LMO7: variants seen among roughly 807,000 people sequenced by gnomAD.
LMO7 encodes the protein LIM domain 7, also known as LIM domain only protein 7.
A neutral mutation model predicts 206.5 loss-of-function variants in LMO7; 120 were observed. That is an observed-to-expected ratio of 0.58 (90% confidence interval 0.50 to 0.68). The LOEUF (loss-of-function observed/expected upper bound fraction) is 0.68. LMO7 is among the 30% of genes least tolerant of loss of function. LMO7 has a pLI of 0.00. For synonymous variants in LMO7, 706 were observed against 681.5 expected (o/e 1.04, Z -0.56); for missense variants, 1,959 against 1,957.9 (o/e 1.00, Z -0.01).
intron 11 of LMO7, among the ~76,000 whole-genome samples, chr13:75,814,822 G>A (rs182618351): frequency 6.6e-6 from 1 of 152,274 alleles, no homozygotes; most frequent in African/African-American, 2.4e-5. Context: ...GGAAGTGAGA[G>A]AGAAGCTATG....
chr13:75,700,328 G>T (rs923247058), intron 1 of LMO7, among the ~76,000 whole-genome samples: 1 of 152,222 alleles, frequency 6.6e-6, no homozygotes, highest in African/African-American at 2.4e-5. Context: ...AAATGTCCAT[G>T]AAATCTTCAC....
At chr13:75,819,344 G>T in intron 12 of LMO7, 49 bp from the exon 13 acceptor site, 2 of 1,537,780 alleles carry the variant, frequency 1.3e-6, no homozygotes, top group East Asian at 2.3e-5. Flanking sequence ...TGCTAGAAAG[G>T]GTGTATAGAA....
Position 75,840,098 on chromosome 13 carries a change from G to A in LMO7, c.3465G>A (p.Ser1155=), listed in dbSNP as rs146792864. Residue 1155 remains serine, a synonymous_variant, in exon 21 of 31, where the codon TCG becomes TCA. Transcript: ENST00000377534. ...GCTGCAACACAGGAAGCTCTGATTC[G>A]GTGGTTCCTGATGTAAGTAGCATTC... ...SQFFEQGSSD[S]VVPDLPVPTI... is the part of the protein sequence containing the mutation. The A allele has an allele frequency of 6.8e-5, 110 of 1,613,572 alleles. No homozygotes were observed. The highest frequency in any genetic ancestry group is 2.7e-4 in the Admixed American group (16 of 60,012).
At chr13:75,711,684 C>G (rs1035007168) in intron 1 of LMO7, among the ~76,000 whole-genome samples, 1 of 152,224 alleles carries the variant, frequency 6.6e-6, no homozygotes, top group African/African-American at 2.4e-5. Flanking sequence ...GCAGAAATCA[C>G]CCGTCTTCTG....
chr13:75,660,856 G>A (rs764150428), intron 1 of LMO7, among the ~76,000 whole-genome samples: 1 of 152,192 alleles, frequency 6.6e-6, no homozygotes, highest in Non-Finnish European at 1.5e-5. Context: ...AGTAGGAGAA[G>A]AGGTGCCTCA....
At chr13:75,647,757 C>T (rs1476655770) in intron 1 of LMO7, among the ~76,000 whole-genome samples, 1 of 151,986 alleles carries the variant, frequency 6.6e-6, no homozygotes, top group Non-Finnish European at 1.5e-5. Flanking sequence ...TCAACTTAAA[C>T]ATCAGAGGCC....
At chr13:75,837,156 A>C (rs1224306367) in intron 19 of LMO7, among the ~76,000 whole-genome samples, 1 of 152,180 alleles carries the variant, frequency 6.6e-6, no homozygotes, top group Non-Finnish European at 1.5e-5. Context: ...TTAAATCTAC[A>C]TTCGATAGTT....
intron 4 of LMO7, 21 bp downstream of exon 4, chr13:75,761,059 AG>A: frequency 1.5e-6 from 2 of 1,338,784 alleles, no homozygotes; most frequent in Non-Finnish European, 2.0e-6. Context: ...ACAGTTTGTT[AG>A]ATATATATAT....
chr13:75,782,649 A>T (rs1459271884), intron 4 of LMO7, among the ~76,000 whole-genome samples: 1 of 152,212 alleles, frequency 6.6e-6, no homozygotes, highest in East Asian at 1.9e-4. Context: ...GGGGCTAAAA[A>T]CAAGGCATCA....
chr13:75,776,406 G>C (rs999802776), intron 4 of LMO7, among the ~76,000 whole-genome samples: 17 of 150,956 alleles, frequency 1.1e-4, no homozygotes, highest in African/African-American at 4.1e-4. Flanking sequence ...TCAATAATTT[G>C]ACAATCTCGT....
At chr13:75,723,079 G>A (rs1440982088) in intron 2 of LMO7, among the ~76,000 whole-genome samples, 3 of 152,028 alleles carry the variant, frequency 2.0e-5, no homozygotes, top group African/African-American at 7.2e-5. Flanking sequence ...TACTCCTCAA[G>A]TGATGAGTGC....
At chr13:75,727,951 G>A (rs1372597525) in intron 3 of LMO7, among the ~76,000 whole-genome samples, 1 of 151,990 alleles carries the variant, frequency 6.6e-6, no homozygotes, top group Non-Finnish European at 1.5e-5. Flanking sequence ...CAAAGGACAT[G>A]AACGCATCAT....
chr13:75,635,881 CG>C (rs2035746118), upstream of LMO7: 1 of 152,958 alleles, frequency 6.5e-6, no homozygotes, highest in Admixed American at 6.5e-5. Flanking sequence ...CTCAGCTGGC[CG>C]GGGCTCAGGT....
intron 27 of LMO7, among the ~76,000 whole-genome samples, chr13:75,852,282 A>G (rs2060561064): frequency 2.0e-5 from 3 of 152,222 alleles, no homozygotes; most frequent in South Asian, 4.1e-4. Context: ...GCGGGAGCTA[A>G]ACATTGAGTA....
At chr13:75,829,531 T>A (rs2058450064) in intron 15 of LMO7, among the ~76,000 whole-genome samples, 1 of 152,182 alleles carries the variant, frequency 6.6e-6, no homozygotes, top group African/African-American at 2.4e-5. Flanking sequence ...AAGAACTATA[T>A]GTACACAAAT....
At chr13:75,707,787 G>T (rs1192566357) in intron 1 of LMO7, among the ~76,000 whole-genome samples, 1 of 151,608 alleles carries the variant, frequency 6.6e-6, no homozygotes, top group Non-Finnish European at 1.5e-5. Context: ...AATGGAATTT[G>T]GTCTTTTATC....
At chr13:75,782,323 C>T (rs1048787634) in intron 4 of LMO7, among the ~76,000 whole-genome samples, 4 of 152,204 alleles carry the variant, frequency 2.6e-5, no homozygotes, top group African/African-American at 9.7e-5. Context: ...AAATGATCCT[C>T]ATATGCTGTG....
chr13:75,811,348 C>T (rs1041186992), intron 11 of LMO7, among the ~76,000 whole-genome samples: 26 of 151,664 alleles, frequency 1.7e-4, no homozygotes, highest in African/African-American at 6.1e-4. Flanking sequence ...CCCTGCCTAC[C>T]GGTGCTTTTC....
At chr13:75,768,123 A>C (rs181365320) in intron 4 of LMO7, among the ~76,000 whole-genome samples, 61 of 152,156 alleles carry the variant, frequency 4.0e-4, no homozygotes, top group African/African-American at 1.4e-3. Context: ...ATGGTATTGA[A>C]TTATCATTCT....
Sources: gnomAD v4.1 joint callset for allele counts (sites outside exome capture counted in the v4.1 genomes callset) on GRCh38, gnomAD v4.1.1 for gene constraint, MANE v1.5 for transcripts, NCBI Gene and HGNC (gene_info 2026-07-23, HGNC 2026-07-21) for gene names.